EPHA6: variants seen among roughly 807,000 people sequenced by gnomAD.
EPHA6 encodes EPH receptor A6.
A neutral mutation model predicts 112.0 loss-of-function variants in EPHA6; 50 were observed. The ratio of observed to expected loss-of-function variants is 0.45; its 90% confidence interval spans 0.36 to 0.56. EPHA6 has a LOEUF of 0.56. Ranked by LOEUF, EPHA6 falls within the 20% of genes least tolerant of loss-of-function variation. EPHA6 has a pLI of 0.00. For missense variants in EPHA6, 1,280 were observed against 1,417.4 expected (o/e 0.90, Z 1.56); for synonymous variants, 529 against 490.7 (o/e 1.08, Z -1.03).
At chr3:97,232,590 A>G (rs934681471) in intron 4 of EPHA6, among the ~76,000 whole-genome samples, 4 of 152,108 alleles carry the variant, frequency 2.6e-5, no homozygotes, top group African/African-American at 7.2e-5. Context: ...CTTGATTCCT[A>G]CCTCCTCATA....
chr3:97,134,204 A>G (rs775896730), intron 3 of EPHA6, among the ~76,000 whole-genome samples: 1 of 152,112 alleles, frequency 6.6e-6, no homozygotes, highest in Non-Finnish European at 1.5e-5. Context: ...TCAACATATG[A>G]AAATAGCAAC....
intron 5 of EPHA6, among the ~76,000 whole-genome samples, chr3:97,321,744 CT>C (rs1243452211): frequency 6.6e-6 from 1 of 151,824 alleles, no homozygotes; most frequent in African/African-American, 2.4e-5. Context: ...AATAGACTGA[CT>C]TTTATTAGTA....
At chr3:96,962,735 T>A (rs530520893) in intron 2 of EPHA6, among the ~76,000 whole-genome samples, 2 of 152,056 alleles carry the variant, frequency 1.3e-5, no homozygotes, top group South Asian at 2.1e-4. Flanking sequence ...CTTGCTAATT[T>A]ACCATACTTG....
chr3:96,850,339 C>T lies in EPHA6; in HGVS notation c.386-16486C>T, dbSNP rs578249472. ...CACCAGGAGATAGCCCAATAATTAG[C>T]GCTTAGGGGTCGGAGGTACATATTT... is the stretch of plus-strand genomic sequence containing the variant. On this transcript the variant is annotated intron_variant, in intron 1 of 17. Transcript: ENST00000389672. Among the ~76,000 whole-genome samples, 32 of 152,122 alleles carry T rather than the reference C, an allele frequency of 2.1e-4. 2 individuals carry two copies. The highest frequency in any genetic ancestry group is 1.4e-3 in the Admixed American group (21 of 15,256).
At chr3:97,139,472 C>T (rs2075843719) in intron 3 of EPHA6, among the ~76,000 whole-genome samples, 1 of 152,124 alleles carries the variant, frequency 6.6e-6, no homozygotes, top group African/African-American at 2.4e-5. Flanking sequence ...ACCTTCACCT[C>T]CCCATCTCTT....
At chr3:97,337,294 A>G (rs1373913929) in intron 5 of EPHA6, among the ~76,000 whole-genome samples, 1 of 152,168 alleles carries the variant, frequency 6.6e-6, no homozygotes, top group African/African-American at 2.4e-5. Flanking sequence ...GAAGATTTTC[A>G]AATAGTAAAT....
rs368551134 is a variant in EPHA6 at position 97,029,041 on chromosome 3, C to T, written c.1114+41048C>T. Reference sequence around the variant, plus strand: ...AAAATAAAAACAAAAGTTAGAACATCGACTTAAGTATATCAAAATTGGAAT... The same window carrying T: ...AAAATAAAAACAAAAGTTAGAACATTGACTTAAGTATATCAAAATTGGAAT... On this transcript the variant is annotated intron_variant, in intron 3 of 17. Transcript: ENST00000389672. Among the ~76,000 whole-genome samples the T allele has an allele frequency of 1.5e-4, 23 of 151,392 alleles. No homozygotes were observed. The East Asian group carries it at 3.5e-3, about 23-fold the overall frequency.
intron 5 of EPHA6, among the ~76,000 whole-genome samples, chr3:97,274,628 G>C (rs1467697725): frequency 6.6e-6 from 1 of 152,178 alleles, no homozygotes; most frequent in Non-Finnish European, 1.5e-5. Flanking sequence ...GGTAGTGGAG[G>C]GGGGCAGAGT....
At chr3:97,205,175 T>C (rs2077684214) in intron 3 of EPHA6, among the ~76,000 whole-genome samples, 1 of 152,060 alleles carries the variant, frequency 6.6e-6, no homozygotes, top group African/African-American at 2.4e-5. Context: ...ACCTATTGCT[T>C]TTGCTTGTTT....
intron 3 of EPHA6, among the ~76,000 whole-genome samples, chr3:97,090,000 A>G (rs2047013102): frequency 6.6e-6 from 1 of 152,072 alleles, no homozygotes; most frequent in South Asian, 2.1e-4. Context: ...GTGTGCTGCA[A>G]TTTATACTTT....
intron 3 of EPHA6, among the ~76,000 whole-genome samples, chr3:97,041,497 G>A (rs1252603224): frequency 6.6e-6 from 1 of 152,056 alleles, no homozygotes; most frequent in Non-Finnish European, 1.5e-5. Context: ...ATGAAAGGGT[G>A]TCCTTTCTAT....
At chr3:97,483,834 C>A in intron 9 of EPHA6, 100 bp from the exon 10 acceptor site, 1 of 1,206,002 alleles carries the variant, frequency 8.3e-7, no homozygotes, top group Non-Finnish European at 1.1e-6. Context: ...ATTATCAAGA[C>A]TGACTACTTC....
intron 5 of EPHA6, among the ~76,000 whole-genome samples, chr3:97,291,997 G>A (rs1290572577): frequency 1.3e-5 from 2 of 152,200 alleles, no homozygotes; most frequent in East Asian, 3.9e-4. Context: ...GCAGTGGGGG[G>A]TATGTGAGCA....
rs568067122 is a variant in EPHA6 at position 96,846,722 on chromosome 3, C to T, written c.386-20103C>T. Among the ~76,000 whole-genome samples the T allele has an allele frequency of 5.3e-5, 8 of 152,110 alleles. No individual in the cohort carries two copies. In the South Asian group the frequency reaches 1.7e-3, roughly 32 times the overall value. Reference sequence around the variant, plus strand: ...GAATAAACTAAGAGAGGACTATTTACTGGGTGTATTTACTATTTGCCGGAA... The same window carrying T: ...GAATAAACTAAGAGAGGACTATTTATTGGGTGTATTTACTATTTGCCGGAA... On this transcript the variant is annotated intron_variant, in intron 1 of 17. Coordinates refer to ENST00000389672, the MANE Select transcript of EPHA6 (RefSeq NM_001080448.3).
At chr3:97,270,290 C>CTAGA (rs2079835783) in intron 5 of EPHA6, among the ~76,000 whole-genome samples, 1 of 152,128 alleles carries the variant, frequency 6.6e-6, no homozygotes, top group Non-Finnish European at 1.5e-5. Context: ...TTTTCAAGTT[C>CTAGA]TAGAATATAA....
At chr3:97,658,413 T>C (rs982329930) in intron 14 of EPHA6, among the ~76,000 whole-genome samples, 6 of 151,884 alleles carry the variant, frequency 4.0e-5, no homozygotes, top group Non-Finnish European at 8.8e-5. Context: ...CTTTAAACTA[T>C]GATATAACTA....
At chr3:97,514,239 A>G (rs2092412039) in intron 10 of EPHA6, among the ~76,000 whole-genome samples, 1 of 152,132 alleles carries the variant, frequency 6.6e-6, no homozygotes, top group Non-Finnish European at 1.5e-5. Context: ...GATGGCCTTC[A>G]TTCCTTGGCT....
intron 5 of EPHA6, among the ~76,000 whole-genome samples, chr3:97,400,051 T>C (rs1431907627): frequency 1.3e-5 from 2 of 151,780 alleles, no homozygotes; most frequent in Non-Finnish European, 3.0e-5. Context: ...TAGTGTTTTC[T>C]TTAAATAGTT....
At chr3:97,219,263 G>A (rs930299315) in intron 3 of EPHA6, among the ~76,000 whole-genome samples, 3 of 152,112 alleles carry the variant, frequency 2.0e-5, no homozygotes, top group Non-Finnish European at 2.9e-5. Flanking sequence ...GTACCCAAGT[G>A]GGGACTCTGT....
Sources: allele counts gnomAD v4.1 joint callset (sites outside exome capture counted in the v4.1 genomes callset), GRCh38; gene constraint gnomAD v4.1.1; transcripts MANE v1.5; gene names NCBI Gene and HGNC (gene_info 2026-07-23, HGNC 2026-07-21).